The following ABCC5 variants were observed in gnomAD, a reference collection of about 807,000 sequenced individuals.
The protein encoded by ABCC5 is ATP binding cassette subfamily C member 5.
Under a neutral mutation model 160.9 loss-of-function variants are expected in ABCC5, and 61 were observed. The observed-to-expected ratio is 0.38, with a 90% CI of 0.31 to 0.47. ABCC5 has a LOEUF of 0.47. Ranked by LOEUF, ABCC5 falls within the 20% of genes least tolerant of loss-of-function variation. The probability of loss-of-function intolerance (pLI) is 0.99; values close to 1 mark genes in which losing one functional copy is unlikely to be tolerated. For synonymous variants in ABCC5, 666 were observed against 700.6 expected (o/e 0.95, Z 0.78); for missense variants, 1,308 against 1,813.3 (o/e 0.72, Z 5.06).
Position 183,921,531 on chromosome 3 carries a change from G to T in ABCC5, c.4213-130C>A. On this transcript the variant is annotated intron_variant, in intron 29 of 29. Coordinates refer to ENST00000334444, the MANE Select transcript of ABCC5 (RefSeq NM_005688.4). This position sits in a 1 kb window ranked among gnomAD's most constrained non-coding sequence, Gnocchi z 4.1. ...GGGGACAATTCAACTAGCCCTGCGT[G>T]CACCTCCCCCCTTATTTTTTTATTT... The T allele has an allele frequency of 1.6e-6, 1 of 618,790 alleles. No individual in the cohort carries two copies. The highest frequency in any genetic ancestry group is 2.6e-6 in the Non-Finnish European group (1 of 388,880). 38.3% of individuals were successfully genotyped at this position (618,790 alleles called of 1,614,324 possible). A position where few individuals can be genotyped will look rare whatever the true frequency, so the allele number is the denominator to read the frequency against.
chr3:183,985,578 G>A (rs922319722), intron 5 of ABCC5: 10 of 685,910 alleles, frequency 1.5e-5, no homozygotes, highest in Non-Finnish European at 2.4e-5. Flanking sequence ...TGCAGGAGGC[G>A]GCCTTCTCTT....
At chr3:183,924,991 C>T (rs1712384437) in intron 29 of ABCC5, among the ~76,000 whole-genome samples, 1 of 152,180 alleles carries the variant, frequency 6.6e-6, no homozygotes, top group South Asian at 2.1e-4. Context: ...TGTCTATAGC[C>T]AACCGCACCT....
chr3:183,951,272 A>C lies in ABCC5; in HGVS notation c.2944+169T>G, dbSNP rs117129323. On this transcript the variant is annotated intron_variant, in intron 20 of 29. Transcript: ENST00000334444. This position sits in a 1 kb window ranked among gnomAD's most constrained non-coding sequence, Gnocchi z 4.7. ...AACTCAATTCATTGAATTTATTTTC[A>C]GGTCAAACAAGACAGAAAATGCAGT... is the stretch of plus-strand genomic sequence containing the variant. Among the ~76,000 whole-genome samples the C allele has an allele frequency of 3.6e-4, 55 of 152,326 alleles. 1 individual carries two copies. The East Asian group carries it at 0.01, about 28-fold the overall frequency.
intron 2 of ABCC5, among the ~76,000 whole-genome samples, chr3:183,995,047 T>A (rs1720151028): frequency 6.6e-6 from 1 of 151,970 alleles, no homozygotes; most frequent in South Asian, 2.1e-4. Flanking sequence ...GACAGCACTA[T>A]GTTGCCCAGG....
intron 2 of ABCC5, among the ~76,000 whole-genome samples, chr3:184,011,951 CT>C (rs1721780344): frequency 6.6e-6 from 1 of 151,588 alleles, no homozygotes; most frequent in Admixed American, 6.6e-5. Flanking sequence ...GTGATGGAAC[CT>C]TTGCATCCTG....
intron 10 of ABCC5, among the ~76,000 whole-genome samples, chr3:183,975,305 C>T (rs949756611): frequency 4.6e-5 from 7 of 152,002 alleles, no homozygotes; most frequent in African/African-American, 1.4e-4. Flanking sequence ...AAGAAAGAAC[C>T]GGCTTAGAGT....
Position 183,947,309 on chromosome 3 carries a change from A to G in ABCC5, c.3414+15T>C, listed in dbSNP as rs758530448. 1.3e-6 allele frequency: 2 copies of G among 1,574,406 alleles called. No homozygotes were observed. The highest frequency in any genetic ancestry group is 3.6e-5 in the Admixed American group (2 of 56,272). On this transcript the variant is annotated intron_variant, in intron 23 of 29. Coordinates refer to ENST00000334444, the MANE Select transcript of ABCC5 (RefSeq NM_005688.4). ...TCAAACAAGCAAAGATGACGCTCCT[A>G]TCCCAGAGACTGACCTGGACAGCAT...
intron 25 of ABCC5, among the ~76,000 whole-genome samples, chr3:183,939,162 G>A (rs1245126098): frequency 6.6e-6 from 1 of 152,248 alleles, no homozygotes; most frequent in Non-Finnish European, 1.5e-5. Flanking sequence ...GCCGGGCACG[G>A]TGGCTCATGC....
chr3:183,967,947 A>G (rs1358170304), intron 11 of ABCC5, among the ~76,000 whole-genome samples, 181 bp from the exon 12 acceptor site: 1 of 152,076 alleles, frequency 6.6e-6, no homozygotes, highest in Non-Finnish European at 1.5e-5. Context: ...TTCTGTGGAG[A>G]CACCTGAGAT....
At chr3:183,940,369 C>T (rs969038076) in intron 25 of ABCC5, among the ~76,000 whole-genome samples, 4 of 140,526 alleles carry the variant, frequency 2.8e-5, no homozygotes, top group African/African-American at 1.1e-4. Context: ...ATTAGCTGGG[C>T]ATGGTGGCAT....
chr3:183,989,567 A>C (rs959299221), intron 2 of ABCC5, among the ~76,000 whole-genome samples, 184 bp from the exon 3 acceptor site: 19 of 149,464 alleles, frequency 1.3e-4, no homozygotes, highest in Admixed American at 1.0e-3. Context: ...ATTAAGCTAG[A>C]TATTTAAAAA....
intron 2 of ABCC5, among the ~76,000 whole-genome samples, chr3:183,992,759 G>A (rs142392485): frequency 0.036 from 5,486 of 151,766 alleles, 326 homozygotes; most frequent in African/African-American, 0.12. Flanking sequence ...ACTGCACTCC[G>A]GCCTGAGCGA....
intron 2 of ABCC5, among the ~76,000 whole-genome samples, chr3:184,001,521 T>G (rs534133916): frequency 6.6e-6 from 1 of 152,240 alleles, no homozygotes; most frequent in South Asian, 2.1e-4. Flanking sequence ...AGTGAGGGTG[T>G]TTTGCTTGCC....
Position 183,988,514 on chromosome 3 carries a change from T to C in ABCC5, c.443+58A>G. ...CACAGAGCTGTGGACTTCACACTCC[T>C]AGCTCAGGCCCTGCCCACCCGGCAT... On this transcript the variant is annotated intron_variant, in intron 4 of 29. Transcript: ENST00000334444. This position sits in a 1 kb window ranked among gnomAD's most constrained non-coding sequence, Gnocchi z 4.4. The C allele has an allele frequency of 6.4e-7, 1 of 1,559,802 alleles. No individual in the cohort carries two copies.
At chr3:183,955,222 G>C (rs1670711272) in intron 17 of ABCC5, among the ~76,000 whole-genome samples, 1 of 152,182 alleles carries the variant, frequency 6.6e-6, no homozygotes, top group Admixed American at 6.5e-5. Context: ...CAGCTTTGCA[G>C]AGACATTTCA....
intron 26 of ABCC5, among the ~76,000 whole-genome samples, chr3:183,930,295 C>T (rs537304617): frequency 6.6e-6 from 1 of 152,364 alleles, no homozygotes; most frequent in Non-Finnish European, 1.5e-5. Context: ...CTGGGCATCT[C>T]TCGATCTCCT....
intron 11 of ABCC5, among the ~76,000 whole-genome samples, chr3:183,970,754 T>C (rs557878253): frequency 6.6e-6 from 1 of 152,306 alleles, no homozygotes; most frequent in African/African-American, 2.4e-5. Flanking sequence ...CCTTCTGTCA[T>C]AGCCCTTATC....
At chr3:183,972,663 G>T (rs1187026190) in intron 10 of ABCC5, among the ~76,000 whole-genome samples, 1 of 151,478 alleles carries the variant, frequency 6.6e-6, no homozygotes, top group Non-Finnish European at 1.5e-5. Context: ...TTTTTTTTTT[G>T]AGATGGAGTC....
intron 15 of ABCC5, among the ~76,000 whole-genome samples, chr3:183,962,340 CTG>C (rs761428674): frequency 1.4e-4 from 22 of 151,790 alleles, no homozygotes; most frequent in Middle Eastern, 3.4e-3. Flanking sequence ...AGTCAAAAAA[CTG>C]TAAGTTGAAC....
Sources: allele counts gnomAD v4.1 joint callset (sites outside exome capture counted in the v4.1 genomes callset), GRCh38; gene constraint gnomAD v4.1.1; non-coding constraint Gnocchi (gnomAD v3.1); transcripts MANE v1.5; gene names NCBI Gene and HGNC (gene_info 2026-07-23, HGNC 2026-07-21).